The following MARCHF1 variants were observed in gnomAD, a reference collection of about 807,000 sequenced individuals.
MARCHF1 encodes E3 ubiquitin-protein ligase MARCHF1.
Under a neutral mutation model 54.2 loss-of-function variants are expected in MARCHF1, and 40 were observed. The ratio of observed to expected loss-of-function variants is 0.74; its 90% confidence interval spans 0.57 to 0.96. The LOEUF (loss-of-function observed/expected upper bound fraction) is 0.96. MARCHF1 is among the 40% of genes least tolerant of loss of function. The pLI, the probability that MARCHF1 is intolerant of heterozygous loss-of-function variation, is 0.00. For synonymous variants in MARCHF1, 236 were observed against 236.3 expected (o/e 1.00, Z 0.01); for missense variants, 586 against 656.5 (o/e 0.89, Z 1.17).
At chr4:164,034,104 T>TAGATAGATAGATAGATAGAC (rs1553971748) in intron 2 of MARCHF1, among the ~76,000 whole-genome samples, 3,000 of 141,738 alleles carry the variant, frequency 0.021, 94 homozygotes, top group Non-Finnish European at 0.026. Context: ...GATAGATAGA[T>TAGATAGATAGATAGATAGAC]AGATAGATAG....
At position 163,700,524 on chromosome 4, in the gene MARCHF1, AGAAAGAAG is replaced by A. The variant is rs1164517760; in HGVS notation, c.162+281_162+288del. 2.3e-3 allele frequency among the ~76,000 whole-genome samples: 282 copies of A among 125,002 alleles called. 2 individuals are homozygous for A. Among genetic ancestry groups the A allele is most frequent in the African/African-American group, 7.5e-3 (258 of 34,420 alleles). The allele number at this position is 125,002 out of a possible 152,430, so 82.0% of individuals were successfully genotyped here. A position where few individuals can be genotyped will look rare whatever the true frequency, so the allele number is the denominator to read the frequency against. On this transcript the variant is annotated intron_variant, in intron 5 of 9. Coordinates refer to ENST00000514618, the MANE Select transcript of MARCHF1 (RefSeq NM_001394959.1). ...TGTCTAAAAAGATAGATAGAAAGAA[AGAAAGAAG>A]GAAGGAAGGAAGGAAGGAAGGAAGG...
At chr4:163,996,598 T>G (rs909983131) in intron 2 of MARCHF1, among the ~76,000 whole-genome samples, 5 of 152,040 alleles carry the variant, frequency 3.3e-5, no homozygotes, top group Admixed American at 6.6e-5. Flanking sequence ...TTTAGCCAAA[T>G]CTGATTCAAC....
intron 2 of MARCHF1, among the ~76,000 whole-genome samples, chr4:164,057,913 A>G (rs542615875): frequency 6.6e-6 from 1 of 152,326 alleles, no homozygotes; most frequent in East Asian, 1.9e-4. Flanking sequence ...AAAATGTGGC[A>G]CATATACACC....
chr4:163,712,588 T>G (rs1197313572), intron 4 of MARCHF1, among the ~76,000 whole-genome samples: 1 of 152,210 alleles, frequency 6.6e-6, no homozygotes, highest in African/African-American at 2.4e-5. Flanking sequence ...CTTACTCCAT[T>G]ATTCAACTCT....
At chr4:163,879,194 G>A (rs1312550975) in intron 3 of MARCHF1, among the ~76,000 whole-genome samples, 2 of 152,274 alleles carry the variant, frequency 1.3e-5, no homozygotes, top group Non-Finnish European at 2.9e-5. Flanking sequence ...GGGTCCTAGA[G>A]ATTGCCTATT....
chr4:163,733,195 A>ATATATATATATATATACACGTG (rs1745904857), intron 4 of MARCHF1, among the ~76,000 whole-genome samples: 7 of 26,340 alleles, frequency 2.7e-4, no homozygotes, highest in African/African-American at 7.5e-4. Context: ...ATATATATAT[A>ATATATATATATATATACACGTG]TATATATATA....
chr4:163,847,065 G>A (rs1749503289), intron 4 of MARCHF1, among the ~76,000 whole-genome samples: 1 of 152,108 alleles, frequency 6.6e-6, no homozygotes, highest in Non-Finnish European at 1.5e-5. Flanking sequence ...ATACCCAAGT[G>A]GGCTGGTTTA....
chr4:164,224,163 T>C (rs1369245748), intron 1 of MARCHF1, among the ~76,000 whole-genome samples: 1 of 151,638 alleles, frequency 6.6e-6, no homozygotes, highest in Non-Finnish European at 1.5e-5. Context: ...CGCATTCATA[T>C]TTTACACAAT....
chr4:163,677,140 T>G (rs1355692815), intron 5 of MARCHF1, among the ~76,000 whole-genome samples: 4 of 152,202 alleles, frequency 2.6e-5, no homozygotes, highest in Admixed American at 2.0e-4. Flanking sequence ...CGTTTGAGAT[T>G]TTATACACTC....
intron 3 of MARCHF1, among the ~76,000 whole-genome samples, chr4:163,954,218 C>T (rs1429647550): frequency 6.6e-6 from 1 of 152,118 alleles, no homozygotes; most frequent in Non-Finnish European, 1.5e-5. Context: ...ATAAAAATCA[C>T]ATGGAATATT....
At chr4:164,293,020 T>G (rs1033367702) in intron 1 of MARCHF1, among the ~76,000 whole-genome samples, 2 of 152,176 alleles carry the variant, frequency 1.3e-5, no homozygotes, top group African/African-American at 4.8e-5. Context: ...GAAAGTCACG[T>G]TGGTTCATGA....
chr4:164,059,757 A>G (rs75622634), intron 2 of MARCHF1, among the ~76,000 whole-genome samples: 5,154 of 152,242 alleles, frequency 0.034, 179 homozygotes, highest in African/African-American at 0.087. Flanking sequence ...ATACAATGTG[A>G]AGCACACAAT....
At chr4:164,223,132 C>A (rs1732159852) in intron 1 of MARCHF1, among the ~76,000 whole-genome samples, 1 of 151,940 alleles carries the variant, frequency 6.6e-6, no homozygotes, top group Admixed American at 6.6e-5. Context: ...CTGGCCCCAC[C>A]CTTAACACCT....
chr4:164,303,562 C>G (rs568781865), intron 1 of MARCHF1, among the ~76,000 whole-genome samples: 28 of 152,274 alleles, frequency 1.8e-4, no homozygotes, highest in South Asian at 1.7e-3. Context: ...GTGCCTGGCA[C>G]AGAGTAAATA....
intron 2 of MARCHF1, among the ~76,000 whole-genome samples, chr4:164,091,814 TAAG>T (rs1238640639): frequency 1.3e-5 from 2 of 151,900 alleles, no homozygotes; most frequent in East Asian, 1.9e-4. Context: ...AGGAAATATC[TAAG>T]AAGAGTAATA....
At chr4:163,955,922 G>A (rs535291013) in intron 3 of MARCHF1, among the ~76,000 whole-genome samples, 8 of 151,970 alleles carry the variant, frequency 5.3e-5, no homozygotes, top group East Asian at 1.9e-4. Context: ...AAAAATTGTC[G>A]CAAATAGAAA....
At chr4:163,975,223 C>CAG (rs1392466799) in intron 3 of MARCHF1, among the ~76,000 whole-genome samples, 5 of 151,914 alleles carry the variant, frequency 3.3e-5, no homozygotes, top group African/African-American at 1.2e-4. Context: ...CACACACACA[C>CAG]ACACACTTCC....
intron 5 of MARCHF1, among the ~76,000 whole-genome samples, chr4:163,648,612 TAAA>T (rs34542365): frequency 2.8e-5 from 3 of 105,308 alleles, no homozygotes; most frequent in Non-Finnish European, 6.0e-5. Flanking sequence ...GCCCATGAGC[TAAA>T]AAAAAAAAAA....
intron 1 of MARCHF1, among the ~76,000 whole-genome samples, chr4:164,378,778 C>A (rs1268358849): frequency 6.6e-6 from 1 of 152,230 alleles, no homozygotes. Flanking sequence ...ATGGCACGAT[C>A]TTGGCTTGCT....
Sources: gnomAD v4.1 joint callset for allele counts (sites outside exome capture counted in the v4.1 genomes callset) on GRCh38, gnomAD v4.1.1 for gene constraint, MANE v1.5 for transcripts, NCBI Gene and HGNC (gene_info 2026-07-23, HGNC 2026-07-21) for gene names.